The following CYP3A5 variants were observed in gnomAD, a reference collection of about 807,000 sequenced individuals.
CYP3A5 encodes cytochrome P450 3A5.
CYP3A5 carries 51 observed loss-of-function variants against 55.9 expected under a neutral mutation model. The ratio of observed to expected loss-of-function variants is 0.91; its 90% confidence interval spans 0.73 to 1.15. The LOEUF (loss-of-function observed/expected upper bound fraction) is 1.15, where lower values mean the gene tolerates loss of function less well. Among genes scored for constraint, CYP3A5 ranks in the 50% most tolerant of loss-of-function variants. The pLI is 0.00. For missense variants in CYP3A5, 533 were observed against 596.6 expected (o/e 0.89, Z 1.11); for synonymous variants, 196 against 213.9 (o/e 0.92, Z 0.73).
chr7:99,660,610 A>G lies in CYP3A5; in HGVS notation c.915T>C (p.Ala305=). The G allele has an allele frequency of 6.2e-7, 1 of 1,614,082 alleles. No individual in the cohort carries two copies. Among genetic ancestry groups the G allele is most frequent in the Non-Finnish European group, 8.5e-7 (1 of 1,179,980 alleles). The change falls in exon 10 of 13, where the codon GCT becomes GCC. Residue 305 remains alanine, a synonymous_variant. Transcript: ENST00000222982. ...LAAQSIIFIF[A]GYETTSSVLS... is the part of the protein sequence containing the mutation. ...GAACACTGCTGGTGGTTTCATAGCC[A>G]GCAAAAATGAAGATTATTGACTGGG...
Position 99,652,515 on chromosome 7 carries a change from T to G in CYP3A5, c.1253+38A>C, listed in dbSNP as rs111825146. ...GAGGCAGAATATGCTTGAACCAGCC[T>G]GGGTCAGGGTGAGCTCCATTTCCCT... On this transcript the variant is annotated intron_variant, in intron 11 of 12. Transcript: ENST00000222982. 52 of 1,454,870 alleles carry G rather than the reference T, an allele frequency of 3.6e-5. No homozygotes were observed. In the African/African-American group the frequency reaches 4.5e-4, roughly 13 times the overall value. 90.1% of individuals were successfully genotyped at this position (1,454,870 alleles called of 1,614,324 possible).
At position 99,650,060 on chromosome 7, in the gene CYP3A5, A is replaced by G; in HGVS notation, c.1413+13T>C. 6.2e-7 allele frequency: 1 copy of G among 1,613,906 alleles called. No homozygotes were observed. Among genetic ancestry groups the G allele is most frequent in the Non-Finnish European group, 8.5e-7 (1 of 1,179,864 alleles). The stretch of plus-strand genomic sequence containing the variant: ...AAAAAATTCTTAATAAAACATACAG[A>G]AAGTGTACTGACCTGTGTTTCTTTA... On this transcript the variant is annotated intron_variant, in intron 12 of 12. Transcript: ENST00000222982.
intron 4 of CYP3A5, chr7:99,671,695 A>G (rs1485888830): frequency 1.6e-6 from 1 of 631,334 alleles, no homozygotes; most frequent in African/African-American, 1.8e-5. Flanking sequence ...ACTTAACACC[A>G]AAAGAACAAT....
In CYP3A5 at chr7:99,676,571, C is replaced by T. The variant is rs770461776; in HGVS notation, c.72-363G>A. 3.7e-6 allele frequency: 5 copies of T among 1,355,820 alleles called. No homozygotes were observed. In the South Asian group the frequency reaches 5.7e-5, roughly 15 times the overall value. 84.0% of individuals were successfully genotyped at this position (1,355,820 alleles called of 1,614,324 possible). A position where few individuals can be genotyped will look rare whatever the true frequency, so the allele number is the denominator to read the frequency against. On this transcript the variant is annotated intron_variant, in intron 1 of 12. Coordinates refer to ENST00000222982, the MANE Select transcript of CYP3A5 (RefSeq NM_000777.5). The stretch of plus-strand genomic sequence containing the variant: ...TGGACTCTTCGCTGATTTGGGGACT[C>T]TCATCCTAGGTAGAAAGAGTAAGAT...
intron 8 of CYP3A5, chr7:99,663,451 A>C (rs566065187): frequency 2.0e-6 from 2 of 989,818 alleles, no homozygotes; most frequent in Non-Finnish European, 2.4e-6. Flanking sequence ...TGAGTTAGCC[A>C]GCCTTGCAAC....
intron 7 of CYP3A5, 56 bp from the exon 8 acceptor site, chr7:99,664,151 G>A: frequency 1.5e-6 from 2 of 1,360,234 alleles, no homozygotes; most frequent in South Asian, 1.3e-5. Flanking sequence ...AACTTTACCT[G>A]GAGCAATTAT....
intron 4 of CYP3A5, among the ~76,000 whole-genome samples, chr7:99,669,007 C>T (rs1337156082): frequency 6.6e-6 from 1 of 152,020 alleles, no homozygotes; most frequent in Admixed American, 6.6e-5. Flanking sequence ...ATTATTAAAC[C>T]TTGCTTTCTG....
intron 8 of CYP3A5, 22 bp downstream of exon 8, chr7:99,663,946 T>C (rs1387420704): frequency 6.4e-7 from 1 of 1,569,600 alleles, no homozygotes; most frequent in Non-Finnish European, 8.6e-7. Context: ...AACATCGTCA[T>C]TTAACCACCA....
intron 3 of CYP3A5, among the ~76,000 whole-genome samples, chr7:99,673,678 G>C (rs777425973): frequency 1.3e-4 from 20 of 152,188 alleles, no homozygotes; most frequent in Non-Finnish European, 5.9e-5. Context: ...CAGTCTAAAT[G>C]AAGGAGTTTT....
chr7:99,671,653 G>A, intron 4 of CYP3A5: 1 of 584,884 alleles, frequency 1.7e-6, no homozygotes, highest in Non-Finnish European at 3.0e-6. Context: ...AAAAAGCAAT[G>A]TAGGAAGGAG....
chr7:99,671,511 T>C (rs1811628983), intron 4 of CYP3A5: 1 of 301,390 alleles, frequency 3.3e-6, no homozygotes, highest in African/African-American at 2.2e-5. Flanking sequence ...TCCAAAATGG[T>C]GTTGGAACAT....
chr7:99,658,701 C>T (rs1046054697), intron 10 of CYP3A5: 35 of 152,344 alleles, frequency 2.3e-4, no homozygotes, highest in African/African-American at 6.5e-4. Context: ...CTATTCTCCC[C>T]GTCACTTTCA....
intron 10 of CYP3A5, 120 bp from the exon 11 acceptor site, chr7:99,652,899 A>G: frequency 4.1e-6 from 3 of 731,762 alleles, no homozygotes; most frequent in Non-Finnish European, 4.5e-6. Context: ...GTAAATGATC[A>G]TAGTATTCGT....
chr7:99,665,402 C>A, intron 6 of CYP3A5, 88 bp from the exon 7 acceptor site: 2 of 1,524,900 alleles, frequency 1.3e-6, no homozygotes, highest in South Asian at 2.3e-5. Flanking sequence ...CATATCCAGT[C>A]AAGACACATA....
At chr7:99,677,165 G>A (rs1812372978) in intron 1 of CYP3A5, 1 of 985,280 alleles carries the variant, frequency 1.0e-6, no homozygotes, top group African/African-American at 1.7e-5. Flanking sequence ...CATGAGTCAT[G>A]TGCAAACTCC....
At chr7:99,671,900 T>C (rs1458804165) in intron 4 of CYP3A5, 1 of 701,562 alleles carries the variant, frequency 1.4e-6, no homozygotes, top group South Asian at 1.5e-5. Flanking sequence ...AAAAATTGCT[T>C]AGAACTACCC....
chr7:99,679,714 G>T lies in CYP3A5; in HGVS notation c.71+112C>A, dbSNP rs539535676. 27 of 994,230 alleles carry T rather than the reference G, an allele frequency of 2.7e-5. No homozygotes were observed. The African/African-American group carries it at 4.0e-4, about 15-fold the overall frequency. 61.6% of individuals were successfully genotyped at this position (994,230 alleles called of 1,614,324 possible). ...TGCGTTTGTAGCGTCCAACACTTCAGCTACTTCTCCTTGAACATCTCTTTT... is the reference window on the plus strand; with the variant it reads ...TGCGTTTGTAGCGTCCAACACTTCATCTACTTCTCCTTGAACATCTCTTTT... On this transcript the variant is annotated intron_variant, in intron 1 of 12. Transcript: ENST00000222982.
intron 3 of CYP3A5, among the ~76,000 whole-genome samples, chr7:99,673,488 A>G (rs1471337201): frequency 6.6e-6 from 1 of 152,262 alleles, no homozygotes; most frequent in African/African-American, 2.4e-5. Flanking sequence ...GTGCAATGGT[A>G]TAAACCAATA....
At chr7:99,666,233 C>T (rs374867179) in intron 6 of CYP3A5, among the ~76,000 whole-genome samples, 18 of 152,314 alleles carry the variant, frequency 1.2e-4, no homozygotes, top group African/African-American at 4.3e-4. Context: ...TCCCATCTTA[C>T]CCAATGCAAG....
Sources: allele counts gnomAD v4.1 joint callset (sites outside exome capture counted in the v4.1 genomes callset), GRCh38; gene constraint gnomAD v4.1.1; transcripts MANE v1.5; gene names NCBI Gene and HGNC (gene_info 2026-07-23, HGNC 2026-07-21).